CFAP47: variants seen among roughly 807,000 people sequenced by gnomAD.
CFAP47 encodes the protein cilia- and flagella-associated protein 47.
A neutral mutation model predicts 148.1 loss-of-function variants in CFAP47; 29 were observed. That is an observed-to-expected ratio of 0.20 (90% CI 0.15 to 0.27). CFAP47 has a LOEUF of 0.27. Ranked by LOEUF, CFAP47 falls within the 10% of genes least tolerant of loss-of-function variation. CFAP47 has a pLI of 1.00. For missense variants in CFAP47, 1,872 were observed against 1,697.5 expected, an observed-to-expected ratio of 1.10 and a Z score of -1.81; for synonymous variants, 664 against 577.3, an observed-to-expected ratio of 1.15 and a Z score of -2.15.
chrX:36,122,551 ATTCT>A (rs1355560368), intron 33 of CFAP47, among the ~76,000 whole-genome samples: 2 of 111,231 alleles, frequency 1.8e-5, no homozygotes, highest in Admixed American at 1.9e-4. Context: ...AAGCTCAGTA[ATTCT>A]TTCTTTTGCT....
intron 49 of CFAP47, among the ~76,000 whole-genome samples, chrX:36,257,337 G>C (rs2146927316): frequency 9.0e-6 from 1 of 111,552 alleles, no homozygotes; most frequent in South Asian, 3.8e-4. Flanking sequence ...CAGGCTAGAA[G>C]ACTTTAATAT....
At chrX:36,346,872 G>C (rs185966822) in intron 57 of CFAP47, among the ~76,000 whole-genome samples, 1 of 111,783 alleles carries the variant, frequency 8.9e-6, no homozygotes, top group African/African-American at 3.2e-5. Context: ...CAGGACACAG[G>C]CATGGGCAAA....
At position 36,385,033 on chromosome X, in the gene CFAP47, C is replaced by G. The variant is rs1942115925; in HGVS notation, c.*27C>G. 1.0e-6 allele frequency: 1 copy of G among 990,606 alleles called. No individual in the cohort carries two copies. The highest frequency in any genetic ancestry group is 1.4e-6 in the Non-Finnish European group (1 of 715,382). The allele number at this position is 990,606 out of a possible 1,213,427, so 81.6% of individuals were successfully genotyped here. ...ATTTTTTTCCAAAATATTTCTTGGT[C>G]TCAGGTAGAACTTTGATGACTATTA... On this transcript the variant is annotated 3_prime_UTR_variant, in exon 64 of 64. Transcript: ENST00000378653.
intron 62 of CFAP47, 136 bp from the exon 63 acceptor site, chrX:36,379,214 A>C: frequency 1.9e-6 from 1 of 529,578 alleles, no homozygotes; most frequent in Non-Finnish European, 3.1e-6. Flanking sequence ...CCTCCTCACT[A>C]TTATTTGGTA....
chrX:36,232,969 G>A (rs1433710422), intron 46 of CFAP47, among the ~76,000 whole-genome samples: 9 of 112,032 alleles, frequency 8.0e-5, no homozygotes, highest in African/African-American at 2.6e-4. Flanking sequence ...ATTGCACTGT[G>A]GTCTGAGAGA....
At chrX:36,155,525 T>G (rs1439786175) in intron 37 of CFAP47, among the ~76,000 whole-genome samples, 1 of 111,565 alleles carries the variant, frequency 9.0e-6, no homozygotes, top group African/African-American at 3.3e-5. Flanking sequence ...ACCAGCTGTG[T>G]TTTGAAAATC....
intron 49 of CFAP47, among the ~76,000 whole-genome samples, chrX:36,260,566 A>G (rs1940805207): frequency 1.8e-5 from 2 of 111,954 alleles, no homozygotes; most frequent in African/African-American, 6.5e-5. Flanking sequence ...TACATTTTTA[A>G]TGGGGTTGTT....
At chrX:36,227,246 T>C (rs2146899627) in intron 45 of CFAP47, among the ~76,000 whole-genome samples, 1 of 111,627 alleles carries the variant, frequency 9.0e-6, no homozygotes, top group Admixed American at 9.6e-5. Context: ...CTGAGAGCCT[T>C]TGAGAGTAAC....
At chrX:35,932,637 T>A (rs946632512) in intron 2 of CFAP47, among the ~76,000 whole-genome samples, 1 of 109,634 alleles carries the variant, frequency 9.1e-6, no homozygotes, top group African/African-American at 3.3e-5. Flanking sequence ...TATTTAATTT[T>A]TTTTTTTTGA....
At chrX:36,246,423 A>G (rs1440296269) in intron 48 of CFAP47, among the ~76,000 whole-genome samples, 1 of 111,961 alleles carries the variant, frequency 8.9e-6, no homozygotes, top group Non-Finnish European at 1.9e-5. Flanking sequence ...TTATAAATGA[A>G]ATAAGTTTAA....
chrX:36,322,743 A>G lies in CFAP47; in HGVS notation c.8443+3436A>G, dbSNP rs782096557. 3.6e-5 allele frequency among the ~76,000 whole-genome samples: 4 copies of G among 111,012 alleles called. No individual in the cohort carries two copies. The East Asian group carries it at 1.1e-3, about 31-fold the overall frequency. ...ATTGTCTTCTCTAGTTTCTGCCATG[A>G]CTTGCTTTCTAAGATAAACAATGCA... On this transcript the variant is annotated intron_variant, in intron 57 of 63. Coordinates refer to ENST00000378653, the MANE Select transcript of CFAP47 (RefSeq NM_001304548.2).
intron 45 of CFAP47, among the ~76,000 whole-genome samples, chrX:36,221,951 A>G (rs951850055): frequency 8.1e-5 from 9 of 111,692 alleles, no homozygotes; most frequent in African/African-American, 2.9e-4. Context: ...CTAGACTTGA[A>G]CAACAAAATT....
At chrX:36,048,710 T>C (rs1439033328) in intron 26 of CFAP47, among the ~76,000 whole-genome samples, 3 of 112,123 alleles carry the variant, frequency 2.7e-5, no homozygotes, top group Non-Finnish European at 5.6e-5. Context: ...AGAAGTTTTA[T>C]TCAATTGGTG....
chrX:35,995,687 T>A (rs1936838714), intron 18 of CFAP47, among the ~76,000 whole-genome samples: 1 of 111,285 alleles, frequency 9.0e-6, no homozygotes, highest in Non-Finnish European at 1.9e-5. Context: ...AGATGTCTAG[T>A]AAAGAGGCAG....
intron 8 of CFAP47, among the ~76,000 whole-genome samples, chrX:35,960,263 A>AT (rs1235618981): frequency 9.5e-6 from 1 of 105,550 alleles, no homozygotes; most frequent in African/African-American, 3.5e-5. Context: ...GCTTTATGGT[A>AT]TTTTTTGAAT....
At chrX:36,113,231 G>A (rs1207741241) in intron 33 of CFAP47, among the ~76,000 whole-genome samples, 1 of 112,113 alleles carries the variant, frequency 8.9e-6, no homozygotes, top group Non-Finnish European at 1.9e-5. Flanking sequence ...GCTGGTAAAG[G>A]TCTTTTCTTT....
rs534163908 is a variant in CFAP47, at chrX:36,098,726, T to C, written c.4917-67T>C. ...GTGACTTGAAATATTTAATTGATGG[T>C]CAATGCAAATCATATATAGAACATG... On this transcript the variant is annotated intron_variant, in intron 30 of 63. Coordinates refer to ENST00000378653, the MANE Select transcript of CFAP47 (RefSeq NM_001304548.2). The C allele has an allele frequency of 5.0e-5, 24 of 476,336 alleles. No homozygotes were observed. The South Asian group carries it at 1.0e-3, about 20-fold the overall frequency. 39.3% of individuals were successfully genotyped at this position (476,336 alleles called of 1,213,427 possible). A position where few individuals can be genotyped will look rare whatever the true frequency, so the allele number is the denominator to read the frequency against.
rs1457396007 is a variant in CFAP47, at chrX:35,955,965, A to G, written c.1179A>G (p.Glu393=). 8.3e-7 allele frequency: 1 copy of G among 1,210,257 alleles called. No individual in the cohort carries two copies. The highest frequency in any genetic ancestry group is 1.8e-5 in the South Asian group (1 of 56,523). Residue 393 remains glutamate (E), a synonymous_variant, in exon 8 of 64, where the codon GAA becomes GAG. Transcript: ENST00000378653. The part of the protein sequence containing the change: ...RDDDYKTIKS[E]RFQKVELALT... ...CAGCTATTATTGCTTTTACAGGTGA[A>G]CGATTTCAGAAAGTGGAATTAGCAC... is the stretch of plus-strand genomic sequence containing the variant.
At chrX:36,176,273 C>T (rs902200517) in intron 39 of CFAP47, among the ~76,000 whole-genome samples, 5 of 112,319 alleles carry the variant, frequency 4.5e-5, no homozygotes, top group Admixed American at 9.4e-5. Context: ...GCGTCACTCA[C>T]GCTCGGAGCT....
Sources: allele counts gnomAD v4.1 joint callset (sites outside exome capture counted in the v4.1 genomes callset), GRCh38; gene constraint gnomAD v4.1.1; transcripts MANE v1.5; gene names NCBI Gene and HGNC (gene_info 2026-07-23, HGNC 2026-07-21).